TUBG1: variants seen among roughly 807,000 people sequenced by gnomAD.
TUBG1 encodes the protein tubulin gamma 1.
TUBG1 carries 22 observed loss-of-function variants against 53.3 expected under a neutral mutation model. The ratio of observed to expected loss-of-function variants is 0.41; its 90% CI spans 0.29 to 0.59. The LOEUF (loss-of-function observed/expected upper bound fraction) is 0.59. Ranked by LOEUF, TUBG1 falls within the 20% of genes least tolerant of loss-of-function variation. The pLI is 0.26. For missense variants in TUBG1, 217 were observed against 598.9 expected, an observed-to-expected ratio of 0.36 and a Z score of 6.66; for synonymous variants, 198 against 236.7, an observed-to-expected ratio of 0.84 and a Z score of 1.50.
rs523129 is a variant in TUBG1, at chr17:42,614,435, A to G, written c.996+23A>G. 35 of 1,614,058 alleles carry G rather than the reference A, an allele frequency of 2.2e-5. No individual in the cohort carries two copies. The highest frequency in any genetic ancestry group is 1.8e-4 in the East Asian group (8 of 44,876). ...CAGGTAGGGGAGGCCCCTTCATCCC[A>G]CACCCTGGACCTGCAGGGGTAGAGG... On this transcript the variant is annotated intron_variant, in intron 9 of 10. Transcript: ENST00000251413. This position sits in a 1 kb window ranked among gnomAD's most constrained non-coding sequence, Gnocchi z 5.1.
Position 42,614,713 on chromosome 17 carries a change from A to G in TUBG1, c.1158+56A>G. On this transcript the variant is annotated intron_variant, in intron 10 of 10. Coordinates refer to ENST00000251413, the MANE Select transcript of TUBG1 (RefSeq NM_001070.5). The surrounding 1 kb of genome is among the most constrained non-coding windows in gnomAD (Gnocchi z 5.1). The stretch of plus-strand genomic sequence containing the variant: ...TGAATCAGTTTCCTGACTATACCTC[A>G]CCTCTCTGCATCTGCTGGCCCTGCT... The G allele has an allele frequency of 2.5e-6, 4 of 1,605,674 alleles. No homozygotes were observed. Among genetic ancestry groups the G allele is most frequent in the Non-Finnish European group, 3.4e-6 (4 of 1,174,962 alleles).
Position 42,614,857 on chromosome 17 carries a change from C to G in TUBG1, c.1172C>G (p.Thr391Ser). Residue 391 changes from threonine (T) to serine (S), a missense_variant, in exon 11 of 11, where the codon ACC (threonine) becomes AGC (serine). Around this residue, in one of 4 missense-constraint regions of TUBG1, gnomAD observed 135 missense variants for 371.2 expected, o/e 0.36. Transcript: ENST00000251413. This position sits in a 1 kb window ranked among gnomAD's most constrained non-coding sequence, Gnocchi z 5.1. Reference sequence around the variant, plus strand: ...GCACACCCCAAGCTCTTCGAGAGAACCTGTCGCCAGTATGACAAGCTGCGT... The same window carrying G: ...GCACACCCCAAGCTCTTCGAGAGAAGCTGTCGCCAGTATGACAAGCTGCGT... ...HTSISSLFER[T>S]CRQYDKLRKR... is the part of the protein sequence containing the mutation. 6.2e-7 allele frequency: 1 copy of G among 1,614,206 alleles called. No homozygotes were observed. Among genetic ancestry groups the G allele is most frequent in the Non-Finnish European group, 8.5e-7 (1 of 1,180,020 alleles).
rs761506863 is a variant in TUBG1, at chr17:42,614,450, A to C, written c.996+38A>C. The C allele has an allele frequency of 4.8e-5, 78 of 1,613,990 alleles. No individual in the cohort carries two copies. Among genetic ancestry groups the C allele is most frequent in the Non-Finnish European group, 6.5e-5 (77 of 1,180,002 alleles). ...CCTTCATCCCACACCCTGGACCTGC[A>C]GGGGTAGAGGAGAGGCCACCTCCAC... On this transcript the variant is annotated intron_variant, in intron 9 of 10. Coordinates refer to ENST00000251413, the MANE Select transcript of TUBG1 (RefSeq NM_001070.5). This position sits in a 1 kb window ranked among gnomAD's most constrained non-coding sequence, Gnocchi z 5.1.
intron 6 of TUBG1, 73 bp downstream of exon 6, chr17:42,613,146 G>T: frequency 6.4e-7 from 1 of 1,556,738 alleles, no homozygotes; most frequent in Middle Eastern, 1.7e-4. Flanking sequence ...TCATTTTCAT[G>T]TATTTAAAAA....
In TUBG1 at chr17:42,613,701, C is replaced by G. The variant is rs1279297107; in HGVS notation, c.661C>G (p.Gln221Glu). 1 of 1,614,172 alleles carries G rather than the reference C, an allele frequency of 6.2e-7. No individual in the cohort carries two copies. The highest frequency in any genetic ancestry group is 1.7e-5 in the Admixed American group (1 of 60,016). ...GATTGCCACAGACCGCCTGCACATC[C>G]AGAACCCATCCTTCTCCCAGATCAA... Reference protein sequence around the residue: ...NRIATDRLHIQNPSFSQINQL... With the variant: ...NRIATDRLHIENPSFSQINQL... The change falls in exon 7 of 11, where the codon CAG becomes GAG. Residue 221 changes from glutamine (Q) to glutamate (E), a missense_variant. Physicochemically the swap from Gln to Glu is conservative, Grantham distance 29 (BLOSUM62 2). Transcript: ENST00000251413.
intron 2 of TUBG1, 37 bp downstream of exon 2, chr17:42,610,257 C>G (rs976581576): frequency 1.2e-6 from 2 of 1,613,624 alleles, no homozygotes; most frequent in South Asian, 2.2e-5. Flanking sequence ...GGCAGTTGCC[C>G]AAGGGGGCGG....
At chr17:42,612,579 T>C (rs973627977) in intron 5 of TUBG1, 73 bp downstream of exon 5, 35 of 1,368,792 alleles carry the variant, frequency 2.6e-5, no homozygotes, top group Admixed American at 1.4e-4. Context: ...CCAGCAGATA[T>C]AACTCCATAT....
At position 42,615,197 on chromosome 17, in the gene TUBG1, A is replaced by T. The variant is rs2052067383; in HGVS notation, c.*156A>T. 8 of 657,160 alleles carry T rather than the reference A, an allele frequency of 1.2e-5. No homozygotes were observed. The highest frequency in any genetic ancestry group is 2.1e-5 in the Non-Finnish European group (8 of 385,190). The allele number at this position is 657,160 out of a possible 1,614,324, so 40.7% of individuals were successfully genotyped here. ...TGCAAACACATTTACTTCTCCTCTT[A>T]TGAGACTATTTATCTTTAATAAAGC... On this transcript the variant is annotated 3_prime_UTR_variant, in exon 11 of 11. Coordinates refer to ENST00000251413, the MANE Select transcript of TUBG1 (RefSeq NM_001070.5).
At chr17:42,610,785 T>C (rs2052025922) in intron 3 of TUBG1, 195 bp downstream of exon 3, 22 of 712,514 alleles carry the variant, frequency 3.1e-5, no homozygotes, top group South Asian at 2.4e-4. Context: ...TCTAAGTGCT[T>C]TACATATATT....
chr17:42,610,035 TC>T (rs1311446558), intron 1 of TUBG1, 72 bp from the exon 2 acceptor site: 1 of 1,553,282 alleles, frequency 6.4e-7, no homozygotes, highest in African/African-American at 1.4e-5. Flanking sequence ...AGGCGCCCAG[TC>T]CCCCGGCTCC....
At chr17:42,610,374 C>G (rs1231016731) in intron 2 of TUBG1, 49 bp from the exon 3 acceptor site, 4 of 1,519,234 alleles carry the variant, frequency 2.6e-6, no homozygotes, top group Non-Finnish European at 3.6e-6. Context: ...GGACTTCGGA[C>G]TTGGGCCGCC....
chr17:42,615,058 A>T lies in TUBG1; in HGVS notation c.*17A>T, dbSNP rs757226827. On this transcript the variant is annotated 3_prime_UTR_variant, in exon 11 of 11. Transcript: ENST00000251413. ...GAGCAGTGAGTCCCCCAGGACAGGG[A>T]CCCTCATCTGCCTTACTGGTTGGCC... The T allele has an allele frequency of 1.1e-5, 17 of 1,613,318 alleles. No individual in the cohort carries two copies. The highest frequency in any genetic ancestry group is 1.4e-5 in the Non-Finnish European group (17 of 1,179,492).
Position 42,614,824 on chromosome 17 carries a change from T to C in TUBG1, c.1159-20T>C. 1.2e-6 allele frequency: 2 copies of C among 1,614,042 alleles called. No homozygotes were observed. The highest frequency in any genetic ancestry group is 1.7e-6 in the Non-Finnish European group (2 of 1,179,914). On this transcript the variant is annotated intron_variant, in intron 10 of 10. Coordinates refer to ENST00000251413, the MANE Select transcript of TUBG1 (RefSeq NM_001070.5). The surrounding 1 kb of genome is among the most constrained non-coding windows in gnomAD (Gnocchi z 5.1). Reference sequence around the variant, plus strand: ...ATTCTTTGAAGTTCTTTGTAACCCCTGTTTTCTGCACACCCCAAGCTCTTC... The same window carrying C: ...ATTCTTTGAAGTTCTTTGTAACCCCCGTTTTCTGCACACCCCAAGCTCTTC...
chr17:42,614,209 G>A lies in TUBG1; in HGVS notation c.844-51G>A, dbSNP rs1037136916. On this transcript the variant is annotated intron_variant, in intron 8 of 10. Transcript: ENST00000251413. The surrounding 1 kb of genome is among the most constrained non-coding windows in gnomAD (Gnocchi z 5.1). Reference sequence around the variant, plus strand: ...GGCTTCTGCCAAAGAGAAGCCAAAGGGGGACTGTGCCCTGAGCGCTGGCCG... The same window carrying A: ...GGCTTCTGCCAAAGAGAAGCCAAAGAGGGACTGTGCCCTGAGCGCTGGCCG... The A allele has an allele frequency of 3.7e-6, 6 of 1,611,768 alleles. No individual in the cohort carries two copies. Among genetic ancestry groups the A allele is most frequent in the Non-Finnish European group, 5.1e-6 (6 of 1,178,304 alleles).
intron 5 of TUBG1, 40 bp downstream of exon 5, chr17:42,612,546 G>A (rs1370948002): frequency 6.2e-7 from 1 of 1,600,928 alleles, no homozygotes; most frequent in Non-Finnish European, 8.6e-7. Context: ...TCTCCAACTT[G>A]GCTTCCTAAA....
At chr17:42,611,347 T>G (rs1009986322) in intron 3 of TUBG1, 8 of 152,208 alleles carry the variant, frequency 5.3e-5, no homozygotes, top group Non-Finnish European at 7.3e-5. Context: ...TTAACGTGCT[T>G]CTGATTAAAT....
At chr17:42,610,650 G>A (rs779009171) in intron 3 of TUBG1, 60 bp downstream of exon 3, 1 of 1,608,070 alleles carries the variant, frequency 6.2e-7, no homozygotes, top group Non-Finnish European at 8.5e-7. Flanking sequence ...GCTCTATGAC[G>A]TCCCGAAGAG....
At chr17:42,613,173 G>A (rs1448654262) in intron 6 of TUBG1, 100 bp downstream of exon 6, 10 of 1,505,232 alleles carry the variant, frequency 6.6e-6, no homozygotes, top group Non-Finnish European at 9.0e-6. Context: ...ATTTTAGCCA[G>A]GTGCAGTGGC....
chr17:42,612,828 A>G (rs796336444), intron 5 of TUBG1, 119 bp from the exon 6 acceptor site: 1 of 1,404,128 alleles, frequency 7.1e-7, no homozygotes, highest in African/African-American at 1.4e-5. Flanking sequence ...TTCTCTACTG[A>G]TTTGACCCCA....
Sources: gnomAD v4.1 joint callset for allele counts on GRCh38, gnomAD v4.1.1 for gene constraint, gnomAD v4.1.1 regional missense constraint, Gnocchi (gnomAD v3.1) non-coding constraint, MANE v1.5 for transcripts, NCBI Gene and HGNC (gene_info 2026-07-23, HGNC 2026-07-21) for gene names.